The following NRP2 variants were observed in gnomAD, a reference collection of about 807,000 sequenced individuals.
NRP2 encodes the protein neuropilin-2.
Under a neutral mutation model 110.4 loss-of-function variants are expected in NRP2, and 52 were observed. The observed-to-expected ratio is 0.47, with a 90% CI of 0.38 to 0.59. The LOEUF is 0.59. Among genes scored for constraint, NRP2 ranks in the 20% least tolerant of loss-of-function variants. NRP2 has a pLI of 0.00. For synonymous variants in NRP2, 508 were observed against 468.9 expected (o/e 1.08, Z -1.08); for missense variants, 1,049 against 1,203.0 (o/e 0.87, Z 1.89).
At chr2:205,705,665 G>T (rs181650988) in intron 2 of NRP2, among the ~76,000 whole-genome samples, 1 of 152,084 alleles carries the variant, frequency 6.6e-6, no homozygotes. Flanking sequence ...ATGTTTAACC[G>T]CCACAGCTGG....
At chr2:205,753,032 T>C (rs2057675698) in intron 12 of NRP2, 57 bp downstream of exon 12, 1 of 1,605,950 alleles carries the variant, frequency 6.2e-7, no homozygotes, top group Non-Finnish European at 8.5e-7. Context: ...TTCCACATAC[T>C]TCAACCCCAG....
intron 15 of NRP2, among the ~76,000 whole-genome samples, chr2:205,791,433 C>G (rs976822315): frequency 1.3e-5 from 2 of 152,148 alleles, no homozygotes; most frequent in African/African-American, 4.8e-5. Flanking sequence ...AATGTTTTAC[C>G]ATTTTAGACA....
chr2:205,737,566 G>A (rs2057367299), intron 7 of NRP2, among the ~76,000 whole-genome samples: 1 of 152,170 alleles, frequency 6.6e-6, no homozygotes, highest in Non-Finnish European at 1.5e-5. Context: ...TGAGAGGTGT[G>A]TTAAAAAATC....
intron 15 of NRP2, 56 bp downstream of exon 15, chr2:205,766,859 CATGTG>C: frequency 6.5e-7 from 1 of 1,532,368 alleles, no homozygotes; most frequent in Non-Finnish European, 9.0e-7. Context: ...TTCCTTCCCC[CATGTG>C]ATGTGAATTT....
intron 15 of NRP2, among the ~76,000 whole-genome samples, chr2:205,770,720 C>T (rs766800803): frequency 2.6e-5 from 4 of 152,192 alleles, no homozygotes; most frequent in South Asian, 2.1e-4. Context: ...TAACCCCTGC[C>T]GGGGTTCCAG....
intron 12 of NRP2, among the ~76,000 whole-genome samples, chr2:205,758,605 G>A (rs3771011): frequency 0.025 from 3,775 of 152,258 alleles, 126 homozygotes; most frequent in East Asian, 0.069. Context: ...ATTCCCAGGC[G>A]ATTGTTTTCC....
At chr2:205,775,366 GTGAACGTGGTTGCCT>G (rs1559362942) in intron 15 of NRP2, among the ~76,000 whole-genome samples, 1 of 152,182 alleles carries the variant, frequency 6.6e-6, no homozygotes, top group African/African-American at 2.4e-5. Flanking sequence ...GCAGCGGCCA[GTGAACGTGGTTGCCT>G]TCTAAATACT....
At chr2:205,711,679 G>A (rs2056801930) in intron 2 of NRP2, among the ~76,000 whole-genome samples, 1 of 152,238 alleles carries the variant, frequency 6.6e-6, no homozygotes, top group African/African-American at 2.4e-5. Flanking sequence ...GGGCAGAGAT[G>A]TTCTGATACG....
intron 1 of NRP2, among the ~76,000 whole-genome samples, chr2:205,689,786 C>T (rs1468406204): frequency 6.6e-6 from 1 of 152,134 alleles, no homozygotes; most frequent in African/African-American, 2.4e-5. Flanking sequence ...GTGTGCTCAG[C>T]AGGGAACACC....
chr2:205,724,289 A>AT (rs1435687918), intron 5 of NRP2, among the ~76,000 whole-genome samples: 1 of 152,104 alleles, frequency 6.6e-6, no homozygotes, highest in African/African-American at 2.4e-5. Flanking sequence ...CTGTGCTAAC[A>AT]TTTTTTTAGT....
intron 2 of NRP2, among the ~76,000 whole-genome samples, chr2:205,711,265 G>C (rs1160535470): frequency 6.6e-6 from 1 of 152,212 alleles, no homozygotes; most frequent in African/African-American, 2.4e-5. Flanking sequence ...ATTCAGCAGT[G>C]AAGAGGCAAG....
intron 11 of NRP2, 147 bp downstream of exon 11, chr2:205,749,988 G>T: frequency 1.4e-6 from 1 of 700,280 alleles, no homozygotes; most frequent in Non-Finnish European, 2.6e-6. Flanking sequence ...GCACTTAGGG[G>T]TTTGGGGCAG....
At chr2:205,731,202 T>A (rs1189694570) in intron 7 of NRP2, among the ~76,000 whole-genome samples, 2 of 152,212 alleles carry the variant, frequency 1.3e-5, no homozygotes, top group Admixed American at 1.3e-4. Context: ...GGAATCCATA[T>A]CCAACCCACG....
chr2:205,744,819 T>C (rs2057507958), intron 9 of NRP2, among the ~76,000 whole-genome samples: 1 of 152,198 alleles, frequency 6.6e-6, no homozygotes, highest in Non-Finnish European at 1.5e-5. Context: ...GCTCAGGGCT[T>C]GGTAACTGGA....
chr2:205,769,290 G>A (rs1441528656), intron 15 of NRP2, among the ~76,000 whole-genome samples: 1 of 152,064 alleles, frequency 6.6e-6, no homozygotes, highest in African/African-American at 2.4e-5. Flanking sequence ...ATGCAACAAA[G>A]GTAATCTCAT....
intron 1 of NRP2, among the ~76,000 whole-genome samples, chr2:205,696,871 T>C (rs534441655): frequency 1.3e-5 from 2 of 152,148 alleles, no homozygotes; most frequent in African/African-American, 4.8e-5. Flanking sequence ...TTCCATTCGG[T>C]GTATAATGAA....
intron 4 of NRP2, 80 bp from the exon 5 acceptor site, chr2:205,723,705 A>G (rs954490415): frequency 1.7e-5 from 25 of 1,433,026 alleles, no homozygotes; most frequent in Admixed American, 1.6e-4. Context: ...ATGAAATGCA[A>G]TGAGGGGAAG....
At chr2:205,699,079 C>T (rs1020467722) in intron 2 of NRP2, among the ~76,000 whole-genome samples, 2 of 152,184 alleles carry the variant, frequency 1.3e-5, no homozygotes, top group African/African-American at 2.4e-5. Context: ...AAAGGGTTTC[C>T]CGGATGAATG....
At chr2:205,698,351 T>C (rs1167644701) in intron 2 of NRP2, among the ~76,000 whole-genome samples, 1 of 152,218 alleles carries the variant, frequency 6.6e-6, no homozygotes, top group Non-Finnish European at 1.5e-5. Context: ...ATTACAAATA[T>C]TAATCCATTT....
Sources: gnomAD v4.1 joint callset for allele counts (sites outside exome capture counted in the v4.1 genomes callset) on GRCh38, gnomAD v4.1.1 for gene constraint, MANE v1.5 for transcripts, NCBI Gene and HGNC (gene_info 2026-07-23, HGNC 2026-07-21) for gene names.